Variants in WWOX observed in about 807,000 individuals in gnomAD.
WWOX encodes the protein WW domain containing oxidoreductase.
Under a neutral mutation model 46.2 loss-of-function variants are expected in WWOX, and 69 were observed. The observed-to-expected ratio is 1.49, with a 90% CI of 1.23 to 1.82. The LOEUF is 1.82. WWOX is among the 40% of genes most tolerant of loss of function. The pLI, the probability that WWOX is intolerant of heterozygous loss-of-function variation, is 0.00. For synonymous variants in WWOX, 359 were observed against 202.6 expected, an observed-to-expected ratio of 1.77 and a Z score of -6.56; for missense variants, 919 against 542.6, an observed-to-expected ratio of 1.69 and a Z score of -6.89.
At chr16:79,083,654 A>G (rs2048802544) in intron 8 of WWOX, among the ~76,000 whole-genome samples, 1 of 152,206 alleles carries the variant, frequency 6.6e-6, no homozygotes, top group African/African-American at 2.4e-5. Flanking sequence ...GAAGGAAAAC[A>G]AAGACAATTG....
chr16:78,358,573 G>C (rs1597094005), intron 5 of WWOX, among the ~76,000 whole-genome samples: 1 of 152,086 alleles, frequency 6.6e-6, no homozygotes, highest in Non-Finnish European at 1.5e-5. Flanking sequence ...ACTGAGAATC[G>C]CTTGAACCTG....
chr16:78,419,633 A>C (rs1264266744), intron 6 of WWOX, among the ~76,000 whole-genome samples: 1 of 145,854 alleles, frequency 6.9e-6, no homozygotes, highest in Non-Finnish European at 1.5e-5. Flanking sequence ...AGCAAAAAAA[A>C]AAAAAAAAAA....
At position 78,422,760 on chromosome 16, in the gene WWOX, CATATATATACACACATATATATAT is replaced by C. The variant is rs1567563500; in HGVS notation, c.606-2108_606-2085del. Among the ~76,000 whole-genome samples the C allele has an allele frequency of 1.4e-3, 165 of 113,890 alleles. 15 individuals carry two copies. The highest frequency in any genetic ancestry group is 7.7e-3 in the Middle Eastern group (2 of 260). 74.7% of individuals were successfully genotyped at this position (113,890 alleles called of 152,430 possible). ...ACACATATATATACACATATATACACATATATATACACACATATATATATACACACACACATATATATACACACA... is the reference window on the plus strand; with the variant it reads ...ACACATATATATACACATATATACACACACACACACATATATATACACACA... On this transcript the variant is annotated intron_variant, in intron 6 of 8. Coordinates refer to ENST00000566780, the MANE Select transcript of WWOX (RefSeq NM_016373.4).
At chr16:78,986,205 C>T (rs1415773086) in intron 8 of WWOX, among the ~76,000 whole-genome samples, 4 of 152,152 alleles carry the variant, frequency 2.6e-5, no homozygotes, top group African/African-American at 2.4e-5. Flanking sequence ...ACATATGCAG[C>T]GCGCTTGCAA....
intron 8 of WWOX, among the ~76,000 whole-genome samples, chr16:79,163,917 C>G (rs1180389877): frequency 6.8e-6 from 1 of 148,148 alleles, no homozygotes; most frequent in Non-Finnish European, 1.5e-5. Flanking sequence ...CTGGCTGTAT[C>G]TGTCGAGTTG....
At chr16:78,174,762 C>T (rs1024498013) in intron 5 of WWOX, among the ~76,000 whole-genome samples, 7 of 152,060 alleles carry the variant, frequency 4.6e-5, no homozygotes, top group Non-Finnish European at 8.8e-5. Flanking sequence ...CCAAGGCGGG[C>T]GGATTGCCTG....
intron 8 of WWOX, among the ~76,000 whole-genome samples, chr16:78,926,750 G>A (rs2045507464): frequency 6.6e-6 from 1 of 152,292 alleles, no homozygotes; most frequent in Non-Finnish European, 1.5e-5. Context: ...TTTCTAGAAA[G>A]ACCATGGGTG....
intron 8 of WWOX, among the ~76,000 whole-genome samples, chr16:78,713,274 A>C (rs1262472697): frequency 2.1e-5 from 2 of 93,776 alleles, no homozygotes; most frequent in African/African-American, 1.8e-4. Context: ...ACTCTGTCTC[A>C]AAAAAAAAAA....
intron 8 of WWOX, among the ~76,000 whole-genome samples, chr16:78,529,276 T>C (rs2043561350): frequency 6.6e-6 from 1 of 152,242 alleles, no homozygotes; most frequent in African/African-American, 2.4e-5. Context: ...ATTATATAGA[T>C]TTTAATTAAA....
At chr16:78,704,756 TC>T in intron 8 of WWOX, among the ~76,000 whole-genome samples, 1 of 152,166 alleles carries the variant, frequency 6.6e-6, no homozygotes, top group East Asian at 1.9e-4. Flanking sequence ...TATTATTTTC[TC>T]CCTGTTGACT....
chr16:78,556,911 G>C (rs1888106305), intron 8 of WWOX, among the ~76,000 whole-genome samples: 1 of 151,944 alleles, frequency 6.6e-6, no homozygotes, highest in African/African-American at 2.4e-5. Context: ...TAGAGATGAG[G>C]TTTTGCCATA....
At chr16:79,167,664 G>T (rs1423534001) in intron 8 of WWOX, among the ~76,000 whole-genome samples, 3 of 152,220 alleles carry the variant, frequency 2.0e-5, no homozygotes, top group Non-Finnish European at 4.4e-5. Context: ...ACAGAGATGA[G>T]ATTCAAATTC....
intron 8 of WWOX, among the ~76,000 whole-genome samples, chr16:78,685,730 G>A (rs576652113): frequency 1.3e-5 from 2 of 152,280 alleles, no homozygotes; most frequent in South Asian, 2.1e-4. Context: ...TCCGACAGTT[G>A]CCCCTCATTT....
At chr16:78,547,364 A>T (rs1163121161) in intron 8 of WWOX, among the ~76,000 whole-genome samples, 2 of 152,102 alleles carry the variant, frequency 1.3e-5, no homozygotes, top group East Asian at 3.9e-4. Context: ...GAGAGGTTAG[A>T]TGTGTATCTA....
At chr16:78,952,631 A>G (rs576663406) in intron 8 of WWOX, among the ~76,000 whole-genome samples, 26 of 151,478 alleles carry the variant, frequency 1.7e-4, no homozygotes, top group Admixed American at 5.9e-4. Flanking sequence ...TGATCTGTCC[A>G]CCTCTGCTTC....
chr16:78,482,795 C>G (rs537131416), intron 8 of WWOX, among the ~76,000 whole-genome samples: 1 of 152,112 alleles, frequency 6.6e-6, no homozygotes, highest in African/African-American at 2.4e-5. Context: ...AGACGCAGAA[C>G]GTATGTTTCA....
At chr16:79,068,462 T>A (rs557720594) in intron 8 of WWOX, among the ~76,000 whole-genome samples, 1 of 152,026 alleles carries the variant, frequency 6.6e-6, no homozygotes, top group Non-Finnish European at 1.5e-5. Flanking sequence ...AATCATATGT[T>A]CACGTGCCAC....
intron 8 of WWOX, among the ~76,000 whole-genome samples, chr16:78,785,424 C>T (rs1250219335): frequency 6.6e-6 from 1 of 152,166 alleles, no homozygotes; most frequent in Non-Finnish European, 1.5e-5. Context: ...CATCGGCAGC[C>T]AGTGGTGTGC....
At chr16:78,655,670 A>G (rs1262093228) in intron 8 of WWOX, among the ~76,000 whole-genome samples, 1 of 151,462 alleles carries the variant, frequency 6.6e-6, no homozygotes, top group Non-Finnish European at 1.5e-5. Flanking sequence ...ATCAACAGAG[A>G]TGCAAGGGGC....
Sources: allele counts gnomAD v4.1 joint callset (sites outside exome capture counted in the v4.1 genomes callset), GRCh38; gene constraint gnomAD v4.1.1; transcripts MANE v1.5; gene names NCBI Gene and HGNC (gene_info 2026-07-23, HGNC 2026-07-21).